Variants in UBAP2 observed in about 807,000 individuals in gnomAD.
The protein encoded by UBAP2 is ubiquitin associated protein 2.
Under a neutral mutation model 139.6 loss-of-function variants are expected in UBAP2, and 75 were observed. That is an observed-to-expected ratio of 0.54 (90% confidence interval 0.45 to 0.65). UBAP2 has a LOEUF of 0.65. UBAP2 is among the 30% of genes least tolerant of loss of function. UBAP2 has a pLI of 0.00. For synonymous variants in UBAP2, 526 were observed against 526.2 expected (o/e 1.00, Z 0.01); for missense variants, 1,368 against 1,369.6 (o/e 1.00, Z 0.02).
chr9:33,946,695 G>A (rs1049383793), intron 13 of UBAP2, among the ~76,000 whole-genome samples: 1 of 152,070 alleles, frequency 6.6e-6, no homozygotes, highest in Admixed American at 6.5e-5. Flanking sequence ...AGCTAGCTGA[G>A]TGTCAACAGA....
Position 33,944,479 on chromosome 9 carries a change from C to A in UBAP2, c.1431G>T (p.Val477=). 1.2e-6 allele frequency: 2 copies of A among 1,614,070 alleles called. No homozygotes were observed. Among genetic ancestry groups the A allele is most frequent in the Non-Finnish European group, 1.7e-6 (2 of 1,180,018 alleles). The change falls in exon 14 of 29, where the codon GTG becomes GTT. Residue 477 remains valine, a synonymous_variant. Coordinates refer to ENST00000379238, the MANE Select transcript of UBAP2 (RefSeq NM_001370062.2). ...TGCTGGGAAGCTGCAAAAGCTTGTT[C>A]ACAGTGGAGGGACTGTCTCCAGGTG... ...ESTPGDSPST[V]NKLLQLPSTT...
Position 33,927,024 on chromosome 9 carries a change from G to C in UBAP2, c.2428C>G (p.Leu810Val), listed in dbSNP as rs1434643139. The change falls in exon 21 of 29, where the codon CTC becomes GTC. Residue 810 changes from leucine (L) to valine (V), a missense_variant. Physicochemically the swap from Leu to Val is conservative, Grantham distance 32 (BLOSUM62 1). Transcript: ENST00000379238. Reference sequence around the variant, plus strand: ...GGAAGCAGTCCTCCGGGACCTACGAGGTACTGGTTGTGCAGCAGGGGAGGC... The same window carrying C: ...GGAAGCAGTCCTCCGGGACCTACGACGTACTGGTTGTGCAGCAGGGGAGGC... Reference protein sequence around the residue: ...GVPPLLHNQYLVGPGGLLPAY... With the variant: ...GVPPLLHNQYVVGPGGLLPAY... 2.4e-5 allele frequency: 39 copies of C among 1,614,144 alleles called. No individual in the cohort carries two copies. Among genetic ancestry groups the C allele is most frequent in the Non-Finnish European group, 3.3e-5 (39 of 1,180,014 alleles).
intron 8 of UBAP2, among the ~76,000 whole-genome samples, chr9:33,970,976 G>A (rs1331188586): frequency 2.0e-5 from 3 of 151,912 alleles, no homozygotes; most frequent in Non-Finnish European, 4.4e-5. Flanking sequence ...CTAATTTTTT[G>A]TATTTTTGTA....
chr9:33,957,012 T>C (rs1826622259), intron 10 of UBAP2, among the ~76,000 whole-genome samples: 1 of 150,812 alleles, frequency 6.6e-6, no homozygotes, highest in Admixed American at 6.6e-5. Context: ...ATCGCTTCAG[T>C]CCAGAGGTTG....
intron 21 of UBAP2, 58 bp from the exon 22 acceptor site, chr9:33,926,722 AG>A: frequency 6.3e-7 from 1 of 1,583,484 alleles, no homozygotes; most frequent in Non-Finnish European, 8.7e-7. Context: ...TGGGAAGCCC[AG>A]GTCCATCTAG....
At chr9:33,943,144 C>T (rs1282007815) in intron 15 of UBAP2, among the ~76,000 whole-genome samples, 1 of 152,174 alleles carries the variant, frequency 6.6e-6, no homozygotes, top group African/African-American at 2.4e-5. Context: ...AAAACTTACA[C>T]TAAGTGAAAG....
intron 4 of UBAP2, among the ~76,000 whole-genome samples, chr9:33,989,747 C>T (rs1295469119): frequency 6.6e-6 from 1 of 152,164 alleles, no homozygotes; most frequent in Admixed American, 6.6e-5. Flanking sequence ...TCCTATTCTA[C>T]ACCACCTCAC....
intron 6 of UBAP2, among the ~76,000 whole-genome samples, chr9:33,975,443 AAC>A (rs1564039885): frequency 1.5e-5 from 2 of 136,964 alleles, no homozygotes; most frequent in South Asian, 2.3e-4. Flanking sequence ...AAAAAAAAAA[AAC>A]AAAAAAAAAA....
chr9:33,976,604 A>G (rs1456033969), intron 6 of UBAP2, among the ~76,000 whole-genome samples: 1 of 152,212 alleles, frequency 6.6e-6, no homozygotes, highest in Non-Finnish European at 1.5e-5. Context: ...TCTAAAATTG[A>G]TTGTGGTGAT....
chr9:34,027,172 A>AAATT (rs34862664), intron 1 of UBAP2, among the ~76,000 whole-genome samples: 146,049 of 152,112 alleles, frequency 0.96, 70,257 homozygotes, highest in Non-Finnish European at 1. Flanking sequence ...GCAGAAGACA[A>AAATT]AGCTCAGATT....
chr9:34,043,424 C>T (rs557657478), intron 1 of UBAP2, among the ~76,000 whole-genome samples: 2 of 152,316 alleles, frequency 1.3e-5, no homozygotes, highest in African/African-American at 2.4e-5. Flanking sequence ...GCCTCGGCCT[C>T]CCAAAGTGCT....
intron 16 of UBAP2, among the ~76,000 whole-genome samples, chr9:33,938,362 C>T (rs1198701283): frequency 6.6e-6 from 1 of 152,064 alleles, no homozygotes; most frequent in African/African-American, 2.4e-5. Context: ...AACTCCTGAC[C>T]TCAAGCAATC....
At chr9:34,005,218 T>G (rs1047362005) in intron 2 of UBAP2, among the ~76,000 whole-genome samples, 2 of 144,668 alleles carry the variant, frequency 1.4e-5, no homozygotes. Context: ...AGCTGAGATC[T>G]CACCACTGTA....
chr9:34,001,759 G>A (rs534463873), intron 2 of UBAP2, among the ~76,000 whole-genome samples: 61 of 152,184 alleles, frequency 4.0e-4, no homozygotes, highest in African/African-American at 1.5e-3. Context: ...TCTGCTCCCT[G>A]TGTTTCAAAC....
At chr9:34,004,203 G>A (rs772998914) in intron 2 of UBAP2, among the ~76,000 whole-genome samples, 5 of 152,010 alleles carry the variant, frequency 3.3e-5, no homozygotes, top group South Asian at 2.1e-4. Context: ...TTCCCAAAAC[G>A]GGCATAATGA....
At chr9:33,990,928 C>A (rs1319957536) in intron 4 of UBAP2, among the ~76,000 whole-genome samples, 1 of 152,058 alleles carries the variant, frequency 6.6e-6, no homozygotes, top group Non-Finnish European at 1.5e-5. Context: ...TAAGCCACTG[C>A]GCCTGGCCTA....
intron 22 of UBAP2, among the ~76,000 whole-genome samples, chr9:33,925,867 G>A (rs1419003387): frequency 6.6e-6 from 1 of 152,210 alleles, no homozygotes; most frequent in Non-Finnish European, 1.5e-5. Context: ...GCAACTCTCT[G>A]ACAAGTGCCC....
At chr9:33,964,134 T>A (rs914540067) in intron 8 of UBAP2, among the ~76,000 whole-genome samples, 2 of 152,200 alleles carry the variant, frequency 1.3e-5, no homozygotes, top group Admixed American at 1.3e-4. Flanking sequence ...CAAGTCTTTC[T>A]AGTTTGGTTA....
At chr9:33,986,302 A>C (rs532591408) in intron 6 of UBAP2, among the ~76,000 whole-genome samples, 20 of 152,242 alleles carry the variant, frequency 1.3e-4, no homozygotes, top group Admixed American at 4.6e-4. Context: ...TCTAATGTTC[A>C]ACAGTAGAGT....
Sources: allele counts gnomAD v4.1 joint callset (sites outside exome capture counted in the v4.1 genomes callset), GRCh38; gene constraint gnomAD v4.1.1; transcripts MANE v1.5; gene names NCBI Gene and HGNC (gene_info 2026-07-23, HGNC 2026-07-21).